Variants in PCDHGA5 observed in about 807,000 individuals in gnomAD.
The protein encoded by PCDHGA5 is protocadherin gamma-A5.
Under a neutral mutation model 56.7 loss-of-function variants are expected in PCDHGA5, and 36 were observed. The ratio of observed to expected loss-of-function variants is 0.64; its 90% CI spans 0.49 to 0.84. PCDHGA5 has a LOEUF of 0.84. Among genes scored for constraint, PCDHGA5 ranks in the 40% least tolerant of loss-of-function variants. PCDHGA5 has a pLI of 0.00. For synonymous variants in PCDHGA5, 563 were observed against 520.2 expected, an observed-to-expected ratio of 1.08 and a Z score of -1.12; for missense variants, 1,305 against 1,201.5, an observed-to-expected ratio of 1.09 and a Z score of -1.27.
chr5:141,370,490 G>A (rs780342479), intron 1 of PCDHGA5: 48 of 1,613,776 alleles, frequency 3.0e-5, no homozygotes, highest in Non-Finnish European at 4.0e-5. Context: ...TCTCCGAACC[G>A]ATCCGCTACG....
chr5:141,408,277 C>T (rs367948897), intron 1 of PCDHGA5: 2 of 1,611,980 alleles, frequency 1.2e-6, no homozygotes, highest in African/African-American at 1.3e-5. Context: ...TGCCTTTGTT[C>T]TACCCCACCC....
At chr5:141,389,542 G>C in intron 1 of PCDHGA5, 1 of 1,613,198 alleles carries the variant, frequency 6.2e-7, no homozygotes, top group Non-Finnish European at 8.5e-7. Flanking sequence ...GTGGACGACC[G>C]CAACGACAAT....
chr5:141,431,002 C>A lies in PCDHGA5; in HGVS notation c.2422-63805C>A, dbSNP rs1055964066. The A allele has an allele frequency of 6.2e-7, 1 of 1,613,836 alleles. No individual in the cohort carries two copies. Among genetic ancestry groups the A allele is most frequent in the Admixed American group, 1.7e-5 (1 of 59,990 alleles). The stretch of plus-strand genomic sequence containing the variant: ...AGCTTTTCGCCCTGAATCCGCGCAG[C>A]GGCAGCTTGGTCACGGCGGGCAGGA... On this transcript the variant is annotated intron_variant, in intron 1 of 3. Transcript: ENST00000518069. The surrounding 1 kb of genome is among the most constrained non-coding windows in gnomAD (Gnocchi z 4.8).
At chr5:141,389,413 G>A in intron 1 of PCDHGA5, 1 of 1,613,608 alleles carries the variant, frequency 6.2e-7, no homozygotes, top group South Asian at 1.1e-5. Flanking sequence ...GCGGAGAGCG[G>A]GGTGGTGTTC....
intron 1 of PCDHGA5, among the ~76,000 whole-genome samples, chr5:141,449,030 G>C (rs2098623784): frequency 6.6e-6 from 1 of 152,012 alleles, no homozygotes; most frequent in Non-Finnish European, 1.5e-5. Context: ...GCATTCCTTT[G>C]GATTATTAAC....
chr5:141,420,789 C>G (rs1403213574), intron 1 of PCDHGA5, among the ~76,000 whole-genome samples: 2 of 152,198 alleles, frequency 1.3e-5, no homozygotes, highest in Non-Finnish European at 2.9e-5. Flanking sequence ...ATTTTGAAAA[C>G]TTTTTAAAAA....
chr5:141,389,124 C>T (rs2091613941), intron 1 of PCDHGA5: 2 of 1,613,878 alleles, frequency 1.2e-6, no homozygotes, highest in South Asian at 2.2e-5. Context: ...CGAGCAGAAT[C>T]CAGAGTACAA....
intron 1 of PCDHGA5, among the ~76,000 whole-genome samples, chr5:141,492,781 T>C (rs945023154): frequency 9.9e-5 from 15 of 152,194 alleles, no homozygotes; most frequent in African/African-American, 3.6e-4. Flanking sequence ...TGAGTGAGCC[T>C]CTATAGGACA....
intron 1 of PCDHGA5, chr5:141,421,166 A>T: frequency 7.7e-7 from 1 of 1,301,524 alleles, no homozygotes; most frequent in Non-Finnish European, 1.0e-6. Context: ...CTTCATAGAT[A>T]CATAAGCCGA....
intron 1 of PCDHGA5, chr5:141,418,306 GA>G: frequency 6.2e-7 from 1 of 1,614,032 alleles, no homozygotes; most frequent in East Asian, 2.2e-5. Flanking sequence ...TCAGCCTGGG[GA>G]TGGGAACAAT....
intron 1 of PCDHGA5, chr5:141,400,694 C>T: frequency 1.3e-6 from 1 of 763,776 alleles, no homozygotes; most frequent in South Asian, 1.9e-5. Context: ...GTTTTTATGT[C>T]GCATAAAAGA....
chr5:141,365,314 T>A lies in PCDHGA5; in HGVS notation c.984T>A (p.Val328=). 1 of 1,613,862 alleles carries A rather than the reference T, an allele frequency of 6.2e-7. No individual in the cohort carries two copies. Among genetic ancestry groups the A allele is most frequent in the East Asian group, 2.2e-5 (1 of 44,888 alleles). The change falls in exon 1 of 4, where the codon GTT becomes GTA. Residue 328 remains valine, a synonymous_variant. Transcript: ENST00000518069. ...EVVAQDGGAL[V]ASAKVVVTVQ... The stretch of plus-strand genomic sequence containing the variant: ...TAGCTCAGGATGGAGGCGCTCTTGT[T>A]GCCAGCGCTAAGGTGGTGGTCACAG...
intron 2 of PCDHGA5, among the ~76,000 whole-genome samples, chr5:141,495,270 G>C (rs1428903664): frequency 1.3e-5 from 2 of 152,178 alleles, no homozygotes; most frequent in Non-Finnish European, 2.9e-5. Context: ...GCATTTGACC[G>C]GAGGAGGCGG....
intron 1 of PCDHGA5, chr5:141,384,578 C>T: frequency 5.0e-6 from 8 of 1,614,256 alleles, no homozygotes; most frequent in Non-Finnish European, 6.8e-6. Flanking sequence ...GACAACCCGC[C>T]CGAGATCCTG....
intron 1 of PCDHGA5, among the ~76,000 whole-genome samples, chr5:141,433,482 C>T (rs935076625): frequency 3.3e-5 from 5 of 152,110 alleles, no homozygotes; most frequent in African/African-American, 9.6e-5. Flanking sequence ...TAGCCTCCTG[C>T]TTCTCCCTCC....
In PCDHGA5 at chr5:141,432,847, G is replaced by C. The variant is rs768265171; in HGVS notation, c.2422-61960G>C. ...ACCTCACTCTGTACCTGGTGGTAGC[G>C]GTGGCCGCGGTCTCCTGCGTCTTCC... On this transcript the variant is annotated intron_variant, in intron 1 of 3. Transcript: ENST00000518069. The surrounding 1 kb of genome is among the most constrained non-coding windows in gnomAD (Gnocchi z 6.0). The C allele has an allele frequency of 1.2e-6, 2 of 1,614,180 alleles. No homozygotes were observed. Among genetic ancestry groups the C allele is most frequent in the Admixed American group, 1.7e-5 (1 of 60,032 alleles).
At chr5:141,385,318 A>G (rs373167861) in intron 1 of PCDHGA5, 2 of 1,610,212 alleles carry the variant, frequency 1.2e-6, no homozygotes, top group Non-Finnish European at 1.7e-6. Context: ...CCTGCCAAGT[A>G]TTCAGGTGAG....
At chr5:141,505,767 AGGTCCTAGCTCT>A (rs2099848180) in intron 3 of PCDHGA5, among the ~76,000 whole-genome samples, 1 of 151,756 alleles carries the variant, frequency 6.6e-6, no homozygotes, top group Non-Finnish European at 1.5e-5. Context: ...AGTGTAGCTC[AGGTCCTAGCTCT>A]GCTACTATCC....
rs1206206519 is a variant in PCDHGA5 at position 141,432,127 on chromosome 5, C to G, written c.2422-62680C>G. ...ACCCGCCGGTCTTCCCTCAGGCCTC[C>G]TATTCCGCTTATATCCCAGAGAACA... On this transcript the variant is annotated intron_variant, in intron 1 of 3. Coordinates refer to ENST00000518069, the MANE Select transcript of PCDHGA5 (RefSeq NM_018918.3). The surrounding 1 kb of genome is among the most constrained non-coding windows in gnomAD (Gnocchi z 6.0). The G allele has an allele frequency of 6.8e-6, 11 of 1,614,160 alleles. No homozygotes were observed. The highest frequency in any genetic ancestry group is 8.5e-6 in the Non-Finnish European group (10 of 1,180,032).
Sources: allele counts gnomAD v4.1 joint callset (sites outside exome capture counted in the v4.1 genomes callset), GRCh38; gene constraint gnomAD v4.1.1; non-coding constraint Gnocchi (gnomAD v3.1); transcripts MANE v1.5; gene names NCBI Gene and HGNC (gene_info 2026-07-23, HGNC 2026-07-21).